NRG3: variants seen among roughly 807,000 people sequenced by gnomAD.
NRG3 encodes the protein neuregulin 3.
In NRG3, 31 loss-of-function variants were observed where a neutral mutation model predicts 66.9. The observed-to-expected ratio is 0.46, with a 90% CI of 0.35 to 0.63. The LOEUF is 0.63. Among genes scored for constraint, NRG3 ranks in the 20% least tolerant of loss-of-function variants. The pLI is 0.00. For missense variants in NRG3, 910 were observed against 878.9 expected (o/e 1.04, Z -0.45); for synonymous variants, 393 against 359.4 (o/e 1.09, Z -1.06).
At position 82,978,961 on chromosome 10, in the gene NRG3, C is replaced by T. The variant is rs1480072214; in HGVS notation, c.1424C>T (p.Ser475Phe). 1 of 1,613,738 alleles carries T rather than the reference C, an allele frequency of 6.2e-7. No individual in the cohort carries two copies. The highest frequency in any genetic ancestry group is 1.7e-5 in the Admixed American group (1 of 59,964). The change falls in exon 8 of 9, where the codon TCT (serine) becomes TTT (phenylalanine). Residue 475 changes from serine to phenylalanine, a missense_variant. Coordinates refer to ENST00000372141, the MANE Select transcript of NRG3 (RefSeq NM_001010848.4). ...TTCCACCCCAGCAGGAGTCTATCCT[C>T]TTGCTGCAGCCCAGGGCAAAGAAGT... ...QSVKHHRSLS[S>F]CCSPGQRSGM... is the part of the protein sequence containing the mutation.
At chr10:82,118,685 AG>A (rs377629968) in intron 1 of NRG3, among the ~76,000 whole-genome samples, 1 of 151,862 alleles carries the variant, frequency 6.6e-6, no homozygotes, top group Non-Finnish European at 1.5e-5. Flanking sequence ...GCTTTTTTTG[AG>A]GGGGGATAAT....
At chr10:82,288,982 A>G (rs1050685793) in intron 1 of NRG3, among the ~76,000 whole-genome samples, 1 of 152,128 alleles carries the variant, frequency 6.6e-6, no homozygotes. Flanking sequence ...TTGGACAATG[A>G]TTTGTAAGCA....
At chr10:82,602,688 G>A (rs550597589) in intron 2 of NRG3, among the ~76,000 whole-genome samples, 9 of 152,154 alleles carry the variant, frequency 5.9e-5, no homozygotes, top group Middle Eastern at 3.4e-3. Context: ...AGACCCAAGC[G>A]CAGTTCCTGG....
intron 1 of NRG3, among the ~76,000 whole-genome samples, chr10:82,174,374 A>T (rs113945485): frequency 0.011 from 1,639 of 151,750 alleles, 30 homozygotes; most frequent in African/African-American, 0.038. Context: ...CTCTTTATGC[A>T]CATGTTTTTT....
In NRG3 at chr10:82,595,247, C is replaced by G. The variant is rs192907458; in HGVS notation, c.954-143330C>G. ...CAGTCTCCTGCATGTAGTGAACTTA[C>G]TCACTACAGAGGGATTGATGCTTTC... On this transcript the variant is annotated intron_variant, in intron 2 of 8. Transcript: ENST00000372141. Among the ~76,000 whole-genome samples, 78 of 152,330 alleles carry G rather than the reference C, an allele frequency of 5.1e-4. No individual in the cohort carries two copies. The Middle Eastern group carries it at 0.01, about 20-fold the overall frequency.
rs182829760 is a variant in NRG3 at position 82,915,009 on chromosome 10, A to T, written c.1055-36460A>T. 8.3e-4 allele frequency among the ~76,000 whole-genome samples: 127 copies of T among 152,274 alleles called. 1 individual carries two copies. The East Asian group carries it at 0.024, about 28-fold the overall frequency. On this transcript the variant is annotated intron_variant, in intron 4 of 8. Transcript: ENST00000372141. ...GGGGATTTTCCTCATCTTCACCATG[A>T]TAACCTCTAGAGGTTTATGGAAGGA...
intron 1 of NRG3, among the ~76,000 whole-genome samples, chr10:82,333,799 G>A (rs184189662): frequency 2.0e-5 from 3 of 152,056 alleles, no homozygotes; most frequent in Admixed American, 2.0e-4. Context: ...GAAAAATGTC[G>A]TGCCCTGGCC....
intron 2 of NRG3, among the ~76,000 whole-genome samples, chr10:82,565,062 G>C (rs2045308924): frequency 6.6e-6 from 1 of 152,048 alleles, no homozygotes; most frequent in Non-Finnish European, 1.5e-5. Context: ...TTTGTCATAA[G>C]GATACGAAGT....
intron 5 of NRG3, among the ~76,000 whole-genome samples, chr10:82,956,928 C>T (rs900230651): frequency 4.6e-5 from 7 of 151,892 alleles, no homozygotes; most frequent in African/African-American, 1.7e-4. Context: ...AAAAGTCTCC[C>T]AAATAATTGG....
intron 1 of NRG3, among the ~76,000 whole-genome samples, chr10:82,269,472 C>T (rs72827309): frequency 0.1 from 15,188 of 152,148 alleles, 993 homozygotes; most frequent in Non-Finnish European, 0.15. Context: ...CCAGCCTCCA[C>T]CTCTCTCAAG....
intron 1 of NRG3, among the ~76,000 whole-genome samples, chr10:81,902,168 T>C (rs978203546): frequency 1.3e-5 from 2 of 152,174 alleles, no homozygotes; most frequent in Non-Finnish European, 2.9e-5. Flanking sequence ...TTTCTTTTCT[T>C]ATAGATCCAT....
At chr10:82,654,395 A>C (rs576348163) in intron 2 of NRG3, among the ~76,000 whole-genome samples, 2 of 152,246 alleles carry the variant, frequency 1.3e-5, no homozygotes, top group Admixed American at 6.5e-5. Context: ...GCAGGAATAT[A>C]AACCTTGGGT....
At chr10:82,937,713 T>A (rs567889521) in intron 4 of NRG3, among the ~76,000 whole-genome samples, 1 of 152,198 alleles carries the variant, frequency 6.6e-6, no homozygotes, top group Non-Finnish European at 1.5e-5. Context: ...CGGCATTCAT[T>A]TGAACACAGT....
chr10:81,970,068 A>G (rs2133360581), intron 1 of NRG3, among the ~76,000 whole-genome samples: 1 of 152,284 alleles, frequency 6.6e-6, no homozygotes, highest in East Asian at 1.9e-4. Context: ...GCTAGTGATA[A>G]TGTTTGTACC....
At chr10:82,011,659 C>A (rs1039798328) in intron 1 of NRG3, among the ~76,000 whole-genome samples, 1 of 152,144 alleles carries the variant, frequency 6.6e-6, no homozygotes, top group African/African-American at 2.4e-5. Context: ...GTAAATGCCC[C>A]CATTCCAAAT....
At chr10:82,098,556 T>C (rs1400693546) in intron 1 of NRG3, among the ~76,000 whole-genome samples, 2 of 152,144 alleles carry the variant, frequency 1.3e-5, no homozygotes, top group African/African-American at 4.8e-5. Context: ...GGATACACTA[T>C]CTCTAGCTTC....
chr10:82,725,702 G>A lies in NRG3; in HGVS notation c.954-12875G>A, dbSNP rs551221243. ...CAGATAAACAATGAATGCATTTTTA[G>A]TATAAGTATGTCCCAAATATTGCTT... On this transcript the variant is annotated intron_variant, in intron 2 of 8. Coordinates refer to ENST00000372141, the MANE Select transcript of NRG3 (RefSeq NM_001010848.4). 3.3e-5 allele frequency among the ~76,000 whole-genome samples: 5 copies of A among 152,214 alleles called. No homozygotes were observed. In the South Asian group the frequency reaches 1.0e-3, roughly 32 times the overall value.
intron 1 of NRG3, among the ~76,000 whole-genome samples, chr10:82,289,880 C>G (rs1483514144): frequency 6.6e-6 from 1 of 152,208 alleles, no homozygotes; most frequent in Non-Finnish European, 1.5e-5. Context: ...GTGTCTGCCT[C>G]TAAGCATTGT....
intron 1 of NRG3, among the ~76,000 whole-genome samples, chr10:82,297,844 A>G (rs1419976488): frequency 6.6e-6 from 1 of 151,974 alleles, no homozygotes; most frequent in East Asian, 1.9e-4. Flanking sequence ...ATTATTTTGT[A>G]TTAAGAAAAA....
Sources: gnomAD v4.1 joint callset for allele counts (sites outside exome capture counted in the v4.1 genomes callset) on GRCh38, gnomAD v4.1.1 for gene constraint, MANE v1.5 for transcripts, NCBI Gene and HGNC (gene_info 2026-07-23, HGNC 2026-07-21) for gene names.